MARCHF1: variants seen among roughly 807,000 people sequenced by gnomAD.
MARCHF1 encodes membrane associated ring-CH-type finger 1, also known as E3 ubiquitin-protein ligase MARCHF1.
Under a neutral mutation model 54.2 loss-of-function variants are expected in MARCHF1, and 40 were observed. That is an observed-to-expected ratio of 0.74 (90% CI 0.57 to 0.96). MARCHF1 has a LOEUF of 0.96. Among genes scored for constraint, MARCHF1 ranks in the 40% least tolerant of loss-of-function variants. The pLI is 0.00. For synonymous variants in MARCHF1, 236 were observed against 236.3 expected (o/e 1.00, Z 0.01); for missense variants, 586 against 656.5 (o/e 0.89, Z 1.17).
intron 2 of MARCHF1, among the ~76,000 whole-genome samples, chr4:164,046,843 G>A (rs1169905480): frequency 6.6e-6 from 1 of 152,108 alleles, no homozygotes; most frequent in East Asian, 1.9e-4. Flanking sequence ...AAGTTTCATG[G>A]AAAAAGGATT....
At chr4:163,832,995 G>C (rs534163627) in intron 4 of MARCHF1, among the ~76,000 whole-genome samples, 1 of 152,122 alleles carries the variant, frequency 6.6e-6, no homozygotes, top group East Asian at 1.9e-4. Context: ...TATCATTGTT[G>C]GATATTTGGG....
At chr4:163,610,579 G>T (rs549490910) in intron 7 of MARCHF1, among the ~76,000 whole-genome samples, 22 of 152,154 alleles carry the variant, frequency 1.4e-4, no homozygotes, top group African/African-American at 5.3e-4. Flanking sequence ...GCTAGATTTA[G>T]GGAATGACAA....
intron 3 of MARCHF1, among the ~76,000 whole-genome samples, chr4:163,909,266 G>A (rs1188917648): frequency 6.6e-6 from 1 of 152,142 alleles, no homozygotes; most frequent in East Asian, 1.9e-4. Flanking sequence ...AACAGTAAGT[G>A]TTTGAATGTG....
chr4:163,665,963 C>T (rs1184465787), intron 5 of MARCHF1, among the ~76,000 whole-genome samples: 2 of 152,268 alleles, frequency 1.3e-5, no homozygotes, highest in Admixed American at 6.5e-5. Flanking sequence ...CACTTCTACG[C>T]CCCTTCAGGC....
Position 163,956,252 on chromosome 4 carries a change from T to C in MARCHF1, c.-39+32249A>G, listed in dbSNP as rs1311719352. ...GCTCAAATCATAGTCTCAAGCTAGA[T>C]TTCCTAAGTCATTTAGTCATTCAAT... On this transcript the variant is annotated intron_variant, in intron 3 of 9. Coordinates refer to ENST00000514618, the MANE Select transcript of MARCHF1 (RefSeq NM_001394959.1). Among the ~76,000 whole-genome samples the C allele has an allele frequency of 4.6e-5, 7 of 152,152 alleles. No individual in the cohort carries two copies. In the South Asian group the frequency reaches 1.2e-3, roughly 27 times the overall value.
chr4:164,380,560 G>A (rs180751068), intron 1 of MARCHF1, among the ~76,000 whole-genome samples: 1 of 152,284 alleles, frequency 6.6e-6, no homozygotes, highest in East Asian at 1.9e-4. Flanking sequence ...TAGTATCATA[G>A]GGGAGTCATA....
chr4:164,101,464 C>T (rs1290078102), intron 2 of MARCHF1, among the ~76,000 whole-genome samples: 5 of 124,966 alleles, frequency 4.0e-5, no homozygotes, highest in East Asian at 2.0e-4. Flanking sequence ...CCCTGACCCC[C>T]GAGCAGCCTA....
intron 5 of MARCHF1, among the ~76,000 whole-genome samples, chr4:163,644,375 T>G (rs13147199): frequency 0.34 from 51,465 of 152,026 alleles, 9,459 homozygotes; most frequent in Non-Finnish European, 0.42. Flanking sequence ...CAGATTTACC[T>G]AAAGTGAGAC....
chr4:164,124,495 G>A (rs1756139070), intron 1 of MARCHF1, among the ~76,000 whole-genome samples: 1 of 152,154 alleles, frequency 6.6e-6, no homozygotes, highest in South Asian at 2.1e-4. Context: ...CTGCAGCAGT[G>A]TTTATAATAG....
chr4:164,190,296 C>G (rs1277556041), intron 1 of MARCHF1: 4 of 758,282 alleles, frequency 5.3e-6, no homozygotes, highest in African/African-American at 5.3e-5. Flanking sequence ...AAGCCCTCTC[C>G]CAGCCACGAA....
chr4:163,814,224 G>T (rs184766648), intron 4 of MARCHF1, among the ~76,000 whole-genome samples: 77 of 152,252 alleles, frequency 5.1e-4, no homozygotes, highest in Non-Finnish European at 9.3e-4. Flanking sequence ...TTCTTTGTTT[G>T]ATCACCAATA....
intron 7 of MARCHF1, among the ~76,000 whole-genome samples, chr4:163,594,931 G>A (rs7682659): frequency 0.019 from 2,867 of 152,194 alleles, 78 homozygotes; most frequent in African/African-American, 0.063. Context: ...CCATATGAGC[G>A]AGCAATCCCA....
chr4:163,718,166 A>G (rs1259992374), intron 4 of MARCHF1, among the ~76,000 whole-genome samples: 2 of 152,250 alleles, frequency 1.3e-5, no homozygotes, highest in Non-Finnish European at 2.9e-5. Context: ...GATGGATTAA[A>G]GACTTAAATG....
At chr4:163,771,927 T>C (rs1747173084) in intron 4 of MARCHF1, among the ~76,000 whole-genome samples, 1 of 152,170 alleles carries the variant, frequency 6.6e-6, no homozygotes, top group Non-Finnish European at 1.5e-5. Flanking sequence ...ATAAAAATGG[T>C]GACTAAAAGG....
chr4:164,023,375 CA>C (rs1753706015), intron 2 of MARCHF1, among the ~76,000 whole-genome samples: 1 of 152,120 alleles, frequency 6.6e-6, no homozygotes, highest in Non-Finnish European at 1.5e-5. Context: ...CAAGGAAATA[CA>C]AAAGAGCCTC....
chr4:163,676,481 T>C (rs920851422), intron 5 of MARCHF1, among the ~76,000 whole-genome samples: 2 of 152,094 alleles, frequency 1.3e-5, no homozygotes, highest in Non-Finnish European at 2.9e-5. Flanking sequence ...GCATAGTAGG[T>C]CATGCATGTA....
chr4:164,202,033 A>C (rs1731468157), intron 1 of MARCHF1, among the ~76,000 whole-genome samples: 1 of 152,242 alleles, frequency 6.6e-6, no homozygotes, highest in African/African-American at 2.4e-5. Flanking sequence ...ATAGTAGCGA[A>C]TGAAATGAAA....
At chr4:164,005,760 C>A (rs1753272558) in intron 2 of MARCHF1, among the ~76,000 whole-genome samples, 1 of 152,056 alleles carries the variant, frequency 6.6e-6, no homozygotes, top group Non-Finnish European at 1.5e-5. Flanking sequence ...AAGAAGATGA[C>A]AAATCAGAGT....
intron 7 of MARCHF1, among the ~76,000 whole-genome samples, chr4:163,607,735 G>A (rs760725670): frequency 5.9e-5 from 9 of 152,144 alleles, no homozygotes; most frequent in South Asian, 2.1e-4. Context: ...GCATGGGAAC[G>A]ATTTGTAGCA....
Sources: allele counts gnomAD v4.1 joint callset (sites outside exome capture counted in the v4.1 genomes callset), GRCh38; gene constraint gnomAD v4.1.1; transcripts MANE v1.5; gene names NCBI Gene and HGNC (gene_info 2026-07-23, HGNC 2026-07-21).